The following ZNF44 variants were observed in gnomAD, a reference collection of about 807,000 sequenced individuals.
The protein encoded by ZNF44 is zinc finger protein 44, also known as gonadotropin inducible transcription repressor-2.
In ZNF44, 9 loss-of-function variants were observed where a neutral mutation model predicts 11.7. That is an observed-to-expected ratio of 0.77 (90% CI 0.46 to 1.35). ZNF44 has a LOEUF of 1.35. ZNF44 is among the 40% of genes most tolerant of loss of function. ZNF44 has a pLI of 0.00. For synonymous variants in ZNF44, 224 were observed against 242.7 expected, an observed-to-expected ratio of 0.92 and a Z score of 0.72; for missense variants, 696 against 743.1, an observed-to-expected ratio of 0.94 and a Z score of 0.74.
chr19:12,293,249 C>A (rs775111986), intron 1 of ZNF44: 16 of 1,536,546 alleles, frequency 1.0e-5, no homozygotes, highest in Admixed American at 3.9e-5. Context: ...TTTGGGAGGC[C>A]CCACTCCAAC....
downstream of ZNF44, among the ~76,000 whole-genome samples, chr19:12,244,334 T>C (rs1271408114): frequency 2.6e-5 from 4 of 152,202 alleles, no homozygotes; most frequent in African/African-American, 7.2e-5. Context: ...CAACTTGTAA[T>C]AGACTTTGAA....
At chr19:12,238,294 G>A (rs1043068854), upstream of ZNF44, among the ~76,000 whole-genome samples, 11 of 151,812 alleles carry the variant, frequency 7.2e-5, no homozygotes, top group Admixed American at 3.3e-4. Context: ...GTTTGAGACC[G>A]CTCTGGCCAA....
rs1472779941 is a variant in ZNF44 at position 12,273,326 on chromosome 19, G to A, written c.929C>T (p.Thr310Ile). 10 of 1,611,374 alleles carry A rather than the reference G, an allele frequency of 6.2e-6. No individual in the cohort carries two copies. Among genetic ancestry groups the A allele is most frequent in the Non-Finnish European group, 7.6e-6 (9 of 1,179,258 alleles). The part of the protein sequence containing the change: ...ERIHTGEKPY[T>I]CKQCGKAFCH... Reference sequence around the variant, plus strand: ...AAACGCTTTCCCACACTGTTTACATGTATAGGGTTTCTCTCCAGTGTGAAT... The same window carrying A: ...AAACGCTTTCCCACACTGTTTACATATATAGGGTTTCTCTCCAGTGTGAAT... Residue 310 changes from threonine (T) to isoleucine (I), a missense_variant, in exon 4 of 4, where the codon ACA becomes ATA. Transcript: ENST00000355684.
At chr19:12,229,228 G>C (rs1916053772) in intron 3 of ZNF44, among the ~76,000 whole-genome samples, 1 of 152,060 alleles carries the variant, frequency 6.6e-6, no homozygotes, top group African/African-American at 2.4e-5. Flanking sequence ...TTCCCAATTG[G>C]CTTATTGGCC....
At chr19:12,287,780 G>T (rs1393954575) in intron 1 of ZNF44, among the ~76,000 whole-genome samples, 1 of 152,186 alleles carries the variant, frequency 6.6e-6, no homozygotes, top group Non-Finnish European at 1.5e-5. Flanking sequence ...TGAGTGCAGG[G>T]AACTTTTTGA....
At chr19:12,239,121 C>CA (rs529327476), upstream of ZNF44, among the ~76,000 whole-genome samples, 115 of 152,178 alleles carry the variant, frequency 7.6e-4, no homozygotes, top group African/African-American at 2.6e-3. Context: ...CTGAACTAAA[C>CA]AGATTTTTTT....
intron 5 of ZNF44, among the ~76,000 whole-genome samples, chr19:12,255,121 CA>C (rs1291100469): frequency 4.4e-4 from 62 of 140,588 alleles, no homozygotes; most frequent in African/African-American, 1.5e-3. Context: ...CACACACACA[CA>C]CACACACACA....
chr19:12,247,295 C>T (rs1182446015), downstream of ZNF44: 9 of 1,235,970 alleles, frequency 7.3e-6, no homozygotes, highest in Non-Finnish European at 9.4e-6. Flanking sequence ...CGTGCACTTT[C>T]TTCACATGGT....
chr19:12,248,014 A>AT, exon 8 of ZNF44: 2 of 1,340,506 alleles, frequency 1.5e-6, no homozygotes, highest in Non-Finnish European at 9.9e-7. Context: ...ACTTTCCCAC[A>AT]TTTTTTACAT....
chr19:12,293,296 C>T, intron 1 of ZNF44: 1 of 1,537,002 alleles, frequency 6.5e-7, no homozygotes, highest in East Asian at 2.4e-5. Context: ...GACCCAAGGG[C>T]CGATATCCAC....
In ZNF44 at chr19:12,272,922, C is replaced by T. The variant is rs777251487; in HGVS notation, c.1333G>A (p.Gly445Arg). The change falls in exon 4 of 4, where the codon GGA becomes AGA. Residue 445 changes from glycine (G) to arginine (R), a missense_variant. By Grantham distance (125) the Gly-to-Arg change is moderately radical (BLOSUM62 -2). Coordinates refer to ENST00000355684, the MANE Select transcript of ZNF44 (RefSeq NM_016264.4). ...SLRKHETTHT[G>R]EQPYKCKCGK... ...CATTTACATTTATAGGGTTGCTCTCCAGTGTGTGTTGTTTCATGTTTTCGA... is the reference window on the plus strand; with the variant it reads ...CATTTACATTTATAGGGTTGCTCTCTAGTGTGTGTTGTTTCATGTTTTCGA... 5.0e-6 allele frequency: 8 copies of T among 1,614,136 alleles called. No homozygotes were observed. The East Asian group carries it at 1.1e-4, about 22-fold the overall frequency.
At chr19:12,246,972 CAGCCTGGGCA>C (rs1568426160), downstream of ZNF44, among the ~76,000 whole-genome samples, 2 of 151,570 alleles carry the variant, frequency 1.3e-5, no homozygotes, top group Non-Finnish European at 2.9e-5. Context: ...AGTTGGCGAC[CAGCCTGGGCA>C]AGATAATGTT....
At chr19:12,268,522 T>A (rs1284483578), downstream of ZNF44, among the ~76,000 whole-genome samples, 7 of 152,172 alleles carry the variant, frequency 4.6e-5, no homozygotes, top group African/African-American at 1.4e-4. Flanking sequence ...TCCACATGAT[T>A]GCCTTGCAGG....
chr19:12,228,965 C>G lies in ZNF44; in HGVS notation n.436+1495G>C, dbSNP rs191551874. Among the ~76,000 whole-genome samples, 721 of 152,228 alleles carry G rather than the reference C, an allele frequency of 4.7e-3. 3 individuals are homozygous for G. The highest frequency in any genetic ancestry group is 0.017 in the African/African-American group (687 of 41,556). On this transcript the variant is annotated intron_variant and non_coding_transcript_variant, in intron 3 of 3. Transcript: ENST00000597563. ...AAATTGCTTGATTAATAAATGCAAA[C>G]AAAAACATATGCTGGTAACTCTTAA...
At chr19:12,284,401 G>T in intron 1 of ZNF44, 2 of 622,790 alleles carry the variant, frequency 3.2e-6, no homozygotes, top group Non-Finnish European at 6.0e-6. Flanking sequence ...ATGGGGAACC[G>T]CAGTGGCTTC....
intron 1 of ZNF44, among the ~76,000 whole-genome samples, chr19:12,292,857 T>TTTG (rs1968069022): frequency 6.4e-5 from 1 of 15,682 alleles, no homozygotes; most frequent in Admixed American, 1.2e-3. Flanking sequence ...GAGGTTAGGT[T>TTTG]TTTTTTTTTT....
chr19:12,260,121 C>T, intron 5 of ZNF44: 1 of 703,878 alleles, frequency 1.4e-6, no homozygotes, highest in South Asian at 1.4e-5. Flanking sequence ...AGAGGAGCCG[C>T]CACCATGTCC....
At chr19:12,239,575 T>TC (rs1916537103), upstream of ZNF44, among the ~76,000 whole-genome samples, 1 of 137,972 alleles carries the variant, frequency 7.2e-6, no homozygotes, top group Non-Finnish European at 1.6e-5. Context: ...TGCATTTTTT[T>TC]TTTTTTTTTT....
intron 5 of ZNF44, among the ~76,000 whole-genome samples, chr19:12,255,444 GGAAAAT>G (rs1453288026): frequency 6.6e-6 from 1 of 152,096 alleles, no homozygotes; most frequent in Non-Finnish European, 1.5e-5. Flanking sequence ...CAAATGAAAA[GGAAAAT>G]GAAAATGAGA....
Sources: allele counts gnomAD v4.1 joint callset (sites outside exome capture counted in the v4.1 genomes callset), GRCh38; gene constraint gnomAD v4.1.1; transcripts MANE v1.5; gene names NCBI Gene and HGNC (gene_info 2026-07-23, HGNC 2026-07-21).